CPSF2: variants seen among roughly 807,000 people sequenced by gnomAD.
CPSF2 encodes the protein cleavage and polyadenylation specificity factor subunit 2.
In CPSF2, 51 loss-of-function variants were observed where a neutral mutation model predicts 84.2. The observed-to-expected ratio is 0.61, with a 90% CI of 0.48 to 0.77. CPSF2 has a LOEUF of 0.77. CPSF2 is among the 30% of genes least tolerant of loss of function. The pLI is 0.00. For missense variants in CPSF2, 641 were observed against 929.4 expected, an observed-to-expected ratio of 0.69 and a Z score of 4.03; for synonymous variants, 286 against 311.9, an observed-to-expected ratio of 0.92 and a Z score of 0.87.
Position 92,167,746 on chromosome 14 carries a change from ATCT to A in CPSF2, c.*6009_*6011del, listed in dbSNP as rs1024275875. 23 of 149,446 alleles carry A rather than the reference ATCT, an allele frequency of 1.5e-4. No homozygotes were observed. The highest frequency in any genetic ancestry group is 2.5e-4 in the Non-Finnish European group (17 of 67,482). 9.3% of individuals were successfully genotyped at this position (149,446 alleles called of 1,614,324 possible). A position where few individuals can be genotyped will look rare whatever the true frequency, so the allele number is the denominator to read the frequency against. On this transcript the variant is annotated 3_prime_UTR_variant, in exon 16 of 16. Transcript: ENST00000298875. ...GGTCGGGGGAGAAAGAGTAAATCTTATCTTCTTCTGTACTTTTCTTTGATTAAT... is the reference window on the plus strand; with the variant it reads ...GGTCGGGGGAGAAAGAGTAAATCTTATCTTCTGTACTTTTCTTTGATTAAT...
chr14:92,155,376 G>C (rs900304117), intron 11 of CPSF2, 53 bp downstream of exon 11: 2 of 1,389,924 alleles, frequency 1.4e-6, no homozygotes, highest in African/African-American at 1.4e-5. Context: ...TATTAACTGT[G>C]TTATCATTTC....
At chr14:92,140,958 A>G (rs968003123) in intron 7 of CPSF2, among the ~76,000 whole-genome samples, 1 of 152,144 alleles carries the variant, frequency 6.6e-6, no homozygotes, top group Admixed American at 6.6e-5. Flanking sequence ...CGGCTCTTTA[A>G]GTCTTAGTTT....
chr14:92,144,882 A>G (rs1442305013), intron 9 of CPSF2, among the ~76,000 whole-genome samples: 1 of 152,040 alleles, frequency 6.6e-6, no homozygotes, highest in Non-Finnish European at 1.5e-5. Flanking sequence ...TCTCAAACTT[A>G]ATGTAGAAGT....
chr14:92,143,171 G>A lies in CPSF2; in HGVS notation c.1017G>A (p.Arg339=). 1.2e-6 allele frequency: 2 copies of A among 1,613,986 alleles called. No homozygotes were observed. Among genetic ancestry groups the A allele is most frequent in the Non-Finnish European group, 1.7e-6 (2 of 1,180,018 alleles). Residue 339 remains arginine, a synonymous_variant, in exon 9 of 16, where the codon AGG becomes AGA. Coordinates refer to ENST00000298875, the MANE Select transcript of CPSF2 (RefSeq NM_017437.3). ...SQPDLECGFS[R]DLFIQWCQDP... is the part of the protein sequence containing the mutation. The stretch of plus-strand genomic sequence containing the variant: ...CTGACCTGGAATGCGGATTTTCAAG[G>A]GATCTCTTTATTCAGTGGTGTCAGG...
At chr14:92,143,415 T>G in intron 9 of CPSF2, 121 bp downstream of exon 9, 1 of 757,618 alleles carries the variant, frequency 1.3e-6, no homozygotes, top group Non-Finnish European at 2.1e-6. Flanking sequence ...TCAGAATTAC[T>G]CTTGAGAGCC....
At chr14:92,161,389 A>G in intron 15 of CPSF2, 143 bp downstream of exon 15, 1 of 946,248 alleles carries the variant, frequency 1.1e-6, no homozygotes, top group Non-Finnish European at 1.5e-6. Flanking sequence ...AAAGGCTTAC[A>G]GAAGTCTTAT....
At chr14:92,142,136 A>G (rs978462486) in intron 7 of CPSF2, 28 bp from the exon 8 acceptor site, 12 of 1,535,868 alleles carry the variant, frequency 7.8e-6, no homozygotes, top group African/African-American at 2.7e-5. Flanking sequence ...GTTACGTTCT[A>G]TGGGGATTTT....
intron 2 of CPSF2, among the ~76,000 whole-genome samples, chr14:92,128,850 CGTA>C (rs1008436504): frequency 3.9e-5 from 6 of 152,124 alleles, no homozygotes; most frequent in East Asian, 3.9e-4. Context: ...AGGGTGTAAT[CGTA>C]GTGGTGGGTG....
Position 92,164,736 on chromosome 14 carries a change from AT to A in CPSF2, c.*2998del, listed in dbSNP as rs1274909628. On this transcript the variant is annotated 3_prime_UTR_variant, in exon 16 of 16. Transcript: ENST00000298875. ...GCCTGAAACAGAAGTGAGGAAATCAATTTTTTAAGGTGAGCCATTTGGCTTT... is the reference window on the plus strand; with the variant it reads ...GCCTGAAACAGAAGTGAGGAAATCAATTTTTAAGGTGAGCCATTTGGCTTT... 2 of 152,238 alleles carry A rather than the reference AT, an allele frequency of 1.3e-5. No homozygotes were observed. The allele number at this position is 152,238 out of a possible 1,614,324, so 9.4% of individuals were successfully genotyped here. A position where few individuals can be genotyped will look rare whatever the true frequency, so the allele number is the denominator to read the frequency against.
In CPSF2 at chr14:92,155,250, G is replaced by T. The variant is rs2069273870; in HGVS notation, c.1369G>T (p.Ala457Ser). 1 of 1,613,798 alleles carries T rather than the reference G, an allele frequency of 6.2e-7. No homozygotes were observed. Among genetic ancestry groups the T allele is most frequent in the South Asian group, 1.1e-5 (1 of 91,088 alleles). ...GSRKGSFFKQ[A>S]KKSYPMFPAP... ...TCGTAAAGGAAGTTTTTTCAAACAG[G>T]CAAAAAAGTCCTATCCTATGTTTCC... The change falls in exon 11 of 16, where the codon GCA becomes TCA. Residue 457 changes from alanine to serine, a missense_variant. By Grantham distance (99) the Ala-to-Ser change is moderately conservative. Coordinates refer to ENST00000298875, the MANE Select transcript of CPSF2 (RefSeq NM_017437.3).
rs1346851520 is a variant in CPSF2, at chr14:92,157,070, C to T, written c.1595+439C>T. Among the ~76,000 whole-genome samples, 5 of 152,016 alleles carry T rather than the reference C, an allele frequency of 3.3e-5. No individual in the cohort carries two copies. The highest frequency in any genetic ancestry group is 3.3e-4 in the Admixed American group (5 of 15,254). ...GTTGTGATCTGAAGTAGTTAGAAAC[C>T]TTTTTTCTCCCGCTTTCTACTTAGT... is the stretch of plus-strand genomic sequence containing the variant. On this transcript the variant is annotated intron_variant, in intron 12 of 15. Coordinates refer to ENST00000298875, the MANE Select transcript of CPSF2 (RefSeq NM_017437.3). The surrounding 1 kb of genome is among the most constrained non-coding windows in gnomAD (Gnocchi z 4.0).
chr14:92,156,335 T>C (rs45600140), intron 11 of CPSF2, 144 bp from the exon 12 acceptor site: 13 of 635,152 alleles, frequency 2.0e-5, no homozygotes, highest in Non-Finnish European at 3.4e-5. Flanking sequence ...GTAATTGATA[T>C]GAAATTGCAT....
intron 1 of CPSF2, among the ~76,000 whole-genome samples, chr14:92,122,914 C>T (rs1054772468): frequency 6.7e-6 from 1 of 150,160 alleles, no homozygotes; most frequent in African/African-American, 2.5e-5. Context: ...GTGTCGAACT[C>T]CTGGGCTCAA....
chr14:92,134,082 C>T lies in CPSF2; in HGVS notation c.221C>T (p.Ala74Val). 6.2e-7 allele frequency: 1 copy of T among 1,614,112 alleles called. No individual in the cohort carries two copies. The highest frequency in any genetic ancestry group is 8.5e-7 in the Non-Finnish European group (1 of 1,179,948). ...DPLHLGALPY[A>V]VGKLGLNCAI... ...CTCCACCTTGGTGCCCTCCCGTATG[C>T]TGTCGGAAAGTTGGGTCTGAACTGT... Residue 74 changes from alanine (A) to valine (V), a missense_variant, in exon 4 of 16, where the codon GCT becomes GTT. Transcript: ENST00000298875.
rs953156893 is a variant in CPSF2 at position 92,122,012 on chromosome 14, C to T, written c.-210C>T. The T allele has an allele frequency of 1.1e-5, 7 of 630,272 alleles. No individual in the cohort carries two copies. The highest frequency in any genetic ancestry group is 5.6e-5 in the Admixed American group (2 of 35,780). 39.0% of individuals were successfully genotyped at this position (630,272 alleles called of 1,614,324 possible). A position where few individuals can be genotyped will look rare whatever the true frequency, so the allele number is the denominator to read the frequency against. ...AATGGCGGCTGCCACTGTGGGGCTT[C>T]TGCCGGCCGGTAGTCCCTGGCGCTG... is the stretch of plus-strand genomic sequence containing the variant. On this transcript the variant is annotated 5_prime_UTR_variant, in exon 1 of 16. Transcript: ENST00000298875.
chr14:92,137,028 AAAATC>A (rs1373317094), intron 6 of CPSF2, among the ~76,000 whole-genome samples: 1 of 151,966 alleles, frequency 6.6e-6, no homozygotes, highest in Non-Finnish European at 1.5e-5. Context: ...AATAAAAAAA[AAAATC>A]AAAGTAGGAA....
At position 92,142,287 on chromosome 14, in the gene CPSF2, G is replaced by A. The variant is rs2069088636; in HGVS notation, c.785G>A (p.Gly262Asp). 6.2e-7 allele frequency: 1 copy of A among 1,613,902 alleles called. No homozygotes were observed. The highest frequency in any genetic ancestry group is 1.3e-5 in the African/African-American group (1 of 74,890). Reference protein sequence around the residue: ...QIWRTKDAGLGVYSLALLNNV... With the variant: ...QIWRTKDAGLDVYSLALLNNV... ...TGGAGGACTAAAGATGCAGGATTGG[G>A]TGTTTACTCATTGGCACTCCTAAAT... Residue 262 changes from glycine (G) to aspartate (D), a missense_variant, in exon 8 of 16, where the codon GGT becomes GAT. By Grantham distance (94) the Gly-to-Asp change is moderately conservative. Around this residue, in one of 2 missense-constraint regions of CPSF2, gnomAD observed 211 missense variants for 375.7 expected, o/e 0.56. Transcript: ENST00000298875.
intron 9 of CPSF2, among the ~76,000 whole-genome samples, chr14:92,151,227 A>C (rs1341461718): frequency 1.3e-5 from 2 of 152,234 alleles, no homozygotes; most frequent in Non-Finnish European, 2.9e-5. Context: ...CCTTGTCTCT[A>C]CAAAAAATTA....
At chr14:92,150,094 C>T (rs889945017) in intron 9 of CPSF2, among the ~76,000 whole-genome samples, 1 of 151,266 alleles carries the variant, frequency 6.6e-6, no homozygotes. Context: ...AAACTAGCCA[C>T]TTTTTTCTGG....
Sources: allele counts gnomAD v4.1 joint callset (sites outside exome capture counted in the v4.1 genomes callset), GRCh38; gene constraint gnomAD v4.1.1; regional missense constraint gnomAD v4.1.1; non-coding constraint Gnocchi (gnomAD v3.1); transcripts MANE v1.5; gene names NCBI Gene and HGNC (gene_info 2026-07-23, HGNC 2026-07-21).